CDKL5: variants seen among roughly 807,000 people sequenced by gnomAD.
CDKL5 encodes cyclin dependent kinase like 5, also known as cyclin-dependent kinase-like 5.
A neutral mutation model predicts 61.7 loss-of-function variants in CDKL5; 8 were observed. That is an observed-to-expected ratio of 0.13 (90% CI 0.08 to 0.23). The LOEUF (loss-of-function observed/expected upper bound fraction) is 0.23, where lower values mean the gene tolerates loss of function less well. CDKL5 is among the 10% of genes least tolerant of loss of function. The probability of loss-of-function intolerance (pLI) is 1.00; values close to 1 mark genes in which losing one functional copy is unlikely to be tolerated. For synonymous variants in CDKL5, 275 were observed against 272.3 expected (o/e 1.01, Z -0.10); for missense variants, 440 against 734.5 (o/e 0.60, Z 4.63).
intron 1 of CDKL5, among the ~76,000 whole-genome samples, chrX:18,448,951 G>A (rs1305449971): frequency 8.9e-6 from 1 of 111,984 alleles, no homozygotes; most frequent in Non-Finnish European, 1.9e-5. Flanking sequence ...TGCCTCCTGG[G>A]TTCAAGCAAT....
intron 16 of CDKL5, among the ~76,000 whole-genome samples, chrX:18,622,719 G>T (rs182765736): frequency 9.0e-5 from 10 of 111,210 alleles, no homozygotes; most frequent in African/African-American, 2.9e-4. Flanking sequence ...CAAGTTGTGG[G>T]CTTGCTTCAA....
Position 18,446,356 on chromosome X carries a change from AAAAAAAAC to A in CDKL5, c.-163+20682_-163+20689del, listed in dbSNP as rs201053545. ...ACAAGAACAAAACTCTGTCTCAGAAAAAAAAAACAAAAAAACAAAAAAACAAAACTGGG... is the reference window on the plus strand; with the variant it reads ...ACAAGAACAAAACTCTGTCTCAGAAAAAAAAAACAAAAAAACAAAACTGGG... On this transcript the variant is annotated intron_variant, in intron 1 of 17. Coordinates refer to ENST00000623535, the MANE Select transcript of CDKL5 (RefSeq NM_001323289.2). Among the ~76,000 whole-genome samples the A allele has an allele frequency of 6.8e-3, 747 of 110,058 alleles. 10 individuals carry two copies. The highest frequency in any genetic ancestry group is 0.022 in the African/African-American group (670 of 30,172).
In CDKL5 at chrX:18,628,922, G is replaced by A. The variant is rs777649789; in HGVS notation, c.*165G>A. On this transcript the variant is annotated 3_prime_UTR_variant, in exon 18 of 18. Transcript: ENST00000623535. The stretch of plus-strand genomic sequence containing the variant: ...GTGTTGGGGCCGTTGAGCTCCTCGC[G>A]GCCACAAATGCTAGTCAGGGATCTT... 76 of 1,053,795 alleles carry A rather than the reference G, an allele frequency of 7.2e-5. No homozygotes were observed. Among genetic ancestry groups the A allele is most frequent in the East Asian group, 2.1e-4 (6 of 28,865 alleles). 86.8% of individuals were successfully genotyped at this position (1,053,795 alleles called of 1,213,427 possible).
chrX:18,564,312 A>G (rs1231490637), intron 3 of CDKL5, among the ~76,000 whole-genome samples, 165 bp from the exon 4 acceptor site: 1 of 110,189 alleles, frequency 9.1e-6, no homozygotes, highest in Non-Finnish European at 1.9e-5. Context: ...TAAGAAAGAG[A>G]TTTTGGAACC....
intron 9 of CDKL5, among the ~76,000 whole-genome samples, chrX:18,590,219 G>A (rs758004414): frequency 1.1e-4 from 12 of 111,348 alleles, no homozygotes; most frequent in Non-Finnish European, 1.9e-4. Context: ...GCCCATGCCT[G>A]TGTCCTGAAT....
chrX:18,497,587 T>C (rs1206494204), intron 1 of CDKL5, among the ~76,000 whole-genome samples: 1 of 112,234 alleles, frequency 8.9e-6, no homozygotes, highest in Non-Finnish European at 1.9e-5. Flanking sequence ...GAACTATTTA[T>C]ATATGAAATC....
intron 1 of CDKL5, among the ~76,000 whole-genome samples, chrX:18,483,649 T>G (rs1461515972): frequency 9.1e-6 from 1 of 110,039 alleles, no homozygotes; most frequent in African/African-American, 3.3e-5. Context: ...CTTGAACTCC[T>G]GACCTCGTGA....
intron 15 of CDKL5, among the ~76,000 whole-genome samples, chrX:18,616,327 T>G (rs1332505552): frequency 8.9e-6 from 1 of 111,803 alleles, no homozygotes; most frequent in Non-Finnish European, 1.9e-5. Flanking sequence ...CCAAATTACT[T>G]AGAAATCCCA....
At chrX:18,508,691 A>G (rs1325754456) in intron 2 of CDKL5, among the ~76,000 whole-genome samples, 5 of 110,023 alleles carry the variant, frequency 4.5e-5, no homozygotes, top group Non-Finnish European at 9.5e-5. Context: ...TTATATATAT[A>G]TATATATATC....
intron 1 of CDKL5, among the ~76,000 whole-genome samples, chrX:18,490,424 C>G (rs1035173961): frequency 3.7e-5 from 4 of 108,774 alleles, no homozygotes; most frequent in Non-Finnish European, 7.6e-5. Flanking sequence ...GTCAGAGAAT[C>G]AGAATTGGTG....
At chrX:18,471,101 A>T (rs964777810) in intron 1 of CDKL5, among the ~76,000 whole-genome samples, 1 of 112,191 alleles carries the variant, frequency 8.9e-6, no homozygotes, top group Non-Finnish European at 1.9e-5. Flanking sequence ...AGTTCACAAG[A>T]GACTGATCCA....
At chrX:18,532,009 G>GT (rs1256666843) in intron 3 of CDKL5, among the ~76,000 whole-genome samples, 1 of 112,180 alleles carries the variant, frequency 8.9e-6, no homozygotes, top group Non-Finnish European at 1.9e-5. Flanking sequence ...CCCGGCCAGG[G>GT]TTTTTTCTTA....
At chrX:18,562,580 C>G (rs900894727) in intron 3 of CDKL5, among the ~76,000 whole-genome samples, 17 of 111,582 alleles carry the variant, frequency 1.5e-4, no homozygotes, top group African/African-American at 4.9e-4. Flanking sequence ...CCTTTGTATT[C>G]TTTTTGTGTT....
At chrX:18,510,100 G>A (rs1412819379) in intron 2 of CDKL5, among the ~76,000 whole-genome samples, 1 of 110,988 alleles carries the variant, frequency 9.0e-6, no homozygotes, top group Non-Finnish European at 1.9e-5. Flanking sequence ...TATTTGGTGG[G>A]CTCTGTGCTT....
chrX:18,507,604 C>A (rs1307697608), intron 2 of CDKL5, among the ~76,000 whole-genome samples: 1 of 109,795 alleles, frequency 9.1e-6, no homozygotes, highest in African/African-American at 3.3e-5. Flanking sequence ...GACAGAGTCT[C>A]ACTGTTACCC....
intron 1 of CDKL5, among the ~76,000 whole-genome samples, chrX:18,427,597 T>C (rs1304532934): frequency 1.8e-5 from 2 of 111,618 alleles, no homozygotes; most frequent in Admixed American, 9.7e-5. Flanking sequence ...CTTGCCTTTT[T>C]AACATAGTCA....
At chrX:18,651,784 A>C (rs1382489027) in intron 21 of CDKL5, among the ~76,000 whole-genome samples, 1 of 112,006 alleles carries the variant, frequency 8.9e-6, no homozygotes, top group Non-Finnish European at 1.9e-5. Context: ...CATTTCCCAC[A>C]CTGTGTGTGT....
At position 18,630,626 on chromosome X, in the gene CDKL5, A is replaced by G; in HGVS notation, c.*1869A>G. 1.4e-6 allele frequency: 1 copy of G among 734,283 alleles called. No homozygotes were observed. Among genetic ancestry groups the G allele is most frequent in the Non-Finnish European group, 1.6e-6 (1 of 621,601 alleles). 60.5% of individuals were successfully genotyped at this position (734,283 alleles called of 1,213,427 possible). ...TTGTGCACATATTGCATTTTTATAT[A>G]AATACTATAATGTGTATTGATTATA... On this transcript the variant is annotated 3_prime_UTR_variant, in exon 18 of 18. Transcript: ENST00000623535.
intron 1 of CDKL5, among the ~76,000 whole-genome samples, chrX:18,460,411 T>C (rs1446264867): frequency 8.9e-6 from 1 of 112,098 alleles, no homozygotes; most frequent in African/African-American, 3.2e-5. Context: ...AGGCCCCGCC[T>C]CCAACATTGA....
Sources: gnomAD v4.1 joint callset for allele counts (sites outside exome capture counted in the v4.1 genomes callset) on GRCh38, gnomAD v4.1.1 for gene constraint, MANE v1.5 for transcripts, NCBI Gene and HGNC (gene_info 2026-07-23, HGNC 2026-07-21) for gene names.